The following KCNMB2 variants were observed in gnomAD, a reference collection of about 807,000 sequenced individuals.
KCNMB2 encodes calcium-activated potassium channel subunit beta-2.
A neutral mutation model predicts 24.5 loss-of-function variants in KCNMB2; 9 were observed. The observed-to-expected ratio is 0.37, with a 90% CI of 0.22 to 0.64. The LOEUF is 0.64. Among genes scored for constraint, KCNMB2 ranks in the 30% least tolerant of loss-of-function variants. The pLI, the probability that KCNMB2 is intolerant of heterozygous loss-of-function variation, is 0.63. For synonymous variants in KCNMB2, 109 were observed against 104.4 expected (o/e 1.04, Z -0.27); for missense variants, 226 against 284.3 (o/e 0.79, Z 1.47).
At chr3:178,767,196 A>G (rs1289356598) in intron 1 of KCNMB2, among the ~76,000 whole-genome samples, 1 of 152,248 alleles carries the variant, frequency 6.6e-6, no homozygotes, top group Non-Finnish European at 1.5e-5. Context: ...AAGCAACTGT[A>G]TTATATTTAT....
intron 1 of KCNMB2, among the ~76,000 whole-genome samples, chr3:178,686,467 T>C (rs1721475993): frequency 6.6e-6 from 1 of 152,172 alleles, no homozygotes; most frequent in Admixed American, 6.5e-5. Flanking sequence ...GTAAAGACGT[T>C]CTTTTCTTCT....
intron 1 of KCNMB2, among the ~76,000 whole-genome samples, chr3:178,763,055 C>G (rs2108413587): frequency 6.6e-6 from 1 of 152,072 alleles, no homozygotes; most frequent in Middle Eastern, 3.4e-3. Context: ...AGGCATGGAA[C>G]TAGATGAGGT....
intron 1 of KCNMB2, among the ~76,000 whole-genome samples, chr3:178,689,805 C>T (rs1721603776): frequency 6.6e-6 from 1 of 152,150 alleles, no homozygotes; most frequent in African/African-American, 2.4e-5. Flanking sequence ...GAACTTGGGT[C>T]TTCTCACTCT....
intron 1 of KCNMB2, among the ~76,000 whole-genome samples, chr3:178,580,835 C>G (rs4857779): frequency 0.8 from 122,292 of 152,090 alleles, 49,816 homozygotes; most frequent in African/African-American, 0.95. Flanking sequence ...TCTTCAAGGA[C>G]AACTACAAAG....
chr3:178,759,420 TATCTC>T lies in KCNMB2; in HGVS notation c.-67-47922_-67-47918del, dbSNP rs1378724326. On this transcript the variant is annotated intron_variant, in intron 1 of 4. Transcript: ENST00000452583. ...CCAAGAGGATATATATATATATATA[TATCTC>T]TCCAAGAGGATATATATATATATAT... Among the ~76,000 whole-genome samples the T allele has an allele frequency of 8.7e-3, 192 of 22,102 alleles. 49 individuals carry two copies. In the African/African-American group the frequency reaches 0.14, roughly 16 times the overall value. The allele number at this position is 22,102 out of a possible 152,430, so 14.5% of individuals were successfully genotyped here.
chr3:178,829,813 A>G (rs1714986917), intron 4 of KCNMB2, among the ~76,000 whole-genome samples: 1 of 152,208 alleles, frequency 6.6e-6, no homozygotes, highest in Admixed American at 6.5e-5. Flanking sequence ...AATGTCCCAG[A>G]TATGTATTCA....
At chr3:178,687,891 C>T (rs1454422297) in intron 1 of KCNMB2, among the ~76,000 whole-genome samples, 1 of 152,038 alleles carries the variant, frequency 6.6e-6, no homozygotes, top group African/African-American at 2.4e-5. Flanking sequence ...GGTGAAACTA[C>T]AAATGAATGT....
At chr3:178,795,129 TG>T (rs1447169498) in intron 1 of KCNMB2, 12 of 152,238 alleles carry the variant, frequency 7.9e-5, no homozygotes, top group Admixed American at 6.5e-4. Context: ...TTGTTTTGTT[TG>T]TTTTTTTTAA....
At chr3:178,672,692 C>T (rs1488906841) in intron 1 of KCNMB2, among the ~76,000 whole-genome samples, 1 of 152,156 alleles carries the variant, frequency 6.6e-6, no homozygotes, top group African/African-American at 2.4e-5. Flanking sequence ...TTTGAGGAAG[C>T]TGATGGTACA....
At chr3:178,739,606 T>C (rs142905149) in intron 1 of KCNMB2, among the ~76,000 whole-genome samples, 8 of 152,208 alleles carry the variant, frequency 5.3e-5, no homozygotes. Flanking sequence ...GATTGTTGAA[T>C]ATAGTTTCTG....
At chr3:178,725,604 G>T (rs1722941923) in intron 1 of KCNMB2, among the ~76,000 whole-genome samples, 1 of 151,966 alleles carries the variant, frequency 6.6e-6, no homozygotes, top group South Asian at 2.1e-4. Context: ...TGTGGTCAGA[G>T]ATCATCTTTT....
At chr3:178,627,916 G>C (rs1468947756) in intron 1 of KCNMB2, among the ~76,000 whole-genome samples, 1 of 152,142 alleles carries the variant, frequency 6.6e-6, no homozygotes, top group Non-Finnish European at 1.5e-5. Context: ...AGTGAGACTT[G>C]AACACCCAGA....
chr3:178,711,463 C>T (rs1722451662), intron 1 of KCNMB2, among the ~76,000 whole-genome samples: 1 of 152,106 alleles, frequency 6.6e-6, no homozygotes, highest in Admixed American at 6.6e-5. Flanking sequence ...TGGCCTTGCG[C>T]TGTCTCTCCC....
intron 1 of KCNMB2, among the ~76,000 whole-genome samples, chr3:178,677,893 T>C (rs144650770): frequency 7.2e-4 from 110 of 152,324 alleles, no homozygotes; most frequent in African/African-American, 2.6e-3. Context: ...AATGCACACA[T>C]ACTAAATGAT....
At chr3:178,766,703 G>C (rs1159260035) in intron 1 of KCNMB2, among the ~76,000 whole-genome samples, 1 of 152,134 alleles carries the variant, frequency 6.6e-6, no homozygotes, top group African/African-American at 2.4e-5. Context: ...AATATGCATA[G>C]AATTATTCAC....
intron 1 of KCNMB2, among the ~76,000 whole-genome samples, chr3:178,690,635 T>A (rs1487055411): frequency 6.6e-6 from 1 of 152,204 alleles, no homozygotes; most frequent in African/African-American, 2.4e-5. Context: ...CTTACTACTT[T>A]GGGAAAATTA....
At chr3:178,555,521 CAT>C (rs1399177913) in intron 1 of KCNMB2, among the ~76,000 whole-genome samples, 1 of 152,194 alleles carries the variant, frequency 6.6e-6, no homozygotes, top group East Asian at 1.9e-4. Flanking sequence ...ATATATAACA[CAT>C]GTGCTCATAT....
rs1228417780 is a variant in KCNMB2 at position 178,757,972 on chromosome 3, TAG to T, written c.-67-49369_-67-49368del. Among the ~76,000 whole-genome samples the T allele has an allele frequency of 1.5e-4, 11 of 71,066 alleles. 1 individual carries two copies. The highest frequency in any genetic ancestry group is 5.6e-4 in the African/African-American group (9 of 16,072). 46.6% of individuals were successfully genotyped at this position (71,066 alleles called of 152,430 possible). ...ATATAGACACAAGAGGATATATATA[TAG>T]ACACAAGAGGATATATATATATATC... On this transcript the variant is annotated intron_variant, in intron 1 of 4. Coordinates refer to ENST00000452583, the MANE Select transcript of KCNMB2 (RefSeq NM_181361.3).
chr3:178,625,478 C>T lies in KCNMB2; in HGVS notation c.-68+88767C>T, dbSNP rs144770050. ...AGGGCATTGCACTTTGGGGTCAATG[C>T]CGGGGTGGGGAGGTGGGCCAGGTGA... is the stretch of plus-strand genomic sequence containing the variant. On this transcript the variant is annotated intron_variant, in intron 1 of 4. Transcript: ENST00000452583. 5.0e-3 allele frequency among the ~76,000 whole-genome samples: 761 copies of T among 152,206 alleles called. 3 individuals carry two copies. Among genetic ancestry groups the T allele is most frequent in the Non-Finnish European group, 9.0e-3 (615 of 67,988 alleles).
Sources: gnomAD v4.1 joint callset for allele counts (sites outside exome capture counted in the v4.1 genomes callset) on GRCh38, gnomAD v4.1.1 for gene constraint, MANE v1.5 for transcripts, NCBI Gene and HGNC (gene_info 2026-07-23, HGNC 2026-07-21) for gene names.